The following LRMDA variants were observed in gnomAD, a reference collection of about 807,000 sequenced individuals.
The protein encoded by LRMDA is leucine rich melanocyte differentiation associated, also known as leucine-rich melanocyte differentiation-associated protein.
A neutral mutation model predicts 29.8 loss-of-function variants in LRMDA; 18 were observed. The ratio of observed to expected loss-of-function variants is 0.60; its 90% CI spans 0.42 to 0.90. The LOEUF is 0.90. LRMDA is among the 40% of genes least tolerant of loss of function. The probability of loss-of-function intolerance (pLI) is 0.00; values close to 1 mark genes in which losing one functional copy is unlikely to be tolerated. For synonymous variants in LRMDA, 125 were observed against 109.4 expected, an observed-to-expected ratio of 1.14 and a Z score of -0.89; for missense variants, 273 against 273.9, an observed-to-expected ratio of 1.00 and a Z score of 0.02.
At chr10:76,014,159 T>TAA (rs1314244993) in intron 2 of LRMDA, among the ~76,000 whole-genome samples, 3 of 141,016 alleles carry the variant, frequency 2.1e-5, no homozygotes, top group Admixed American at 7.2e-5. Context: ...TATATATATA[T>TAA]AATTATATAT....
At chr10:75,582,464 G>A (rs934103680) in intron 2 of LRMDA, among the ~76,000 whole-genome samples, 20 of 152,176 alleles carry the variant, frequency 1.3e-4, no homozygotes, top group African/African-American at 4.6e-4. Context: ...GCCCTTTTTA[G>A]CCATGACTGG....
chr10:75,493,351 GTGTGTGTGTGT>G (rs1845009233), intron 2 of LRMDA, among the ~76,000 whole-genome samples: 1 of 141,194 alleles, frequency 7.1e-6, no homozygotes, highest in Admixed American at 7.0e-5. Flanking sequence ...GAGATTGGGT[GTGTGTGTGTGT>G]GTGTGTGTGT....
intron 2 of LRMDA, among the ~76,000 whole-genome samples, chr10:75,877,368 C>G (rs549088154): frequency 6.6e-6 from 1 of 152,198 alleles, no homozygotes; most frequent in African/African-American, 2.4e-5. Context: ...AGCATCTTCC[C>G]GAACTGAAAT....
At chr10:76,319,256 A>G (rs1040122978) in intron 5 of LRMDA, 3 of 152,170 alleles carry the variant, frequency 2.0e-5, no homozygotes, top group Non-Finnish European at 4.4e-5. Context: ...TACCCATCCT[A>G]TTATCATGAA....
chr10:76,465,277 C>G (rs1842553159), intron 6 of LRMDA, among the ~76,000 whole-genome samples: 1 of 152,170 alleles, frequency 6.6e-6, no homozygotes, highest in African/African-American at 2.4e-5. Flanking sequence ...ATAAAAGATT[C>G]ATTAAGGGCT....
At chr10:76,511,626 T>A (rs564791893) in intron 6 of LRMDA, among the ~76,000 whole-genome samples, 56 of 151,518 alleles carry the variant, frequency 3.7e-4, no homozygotes, top group African/African-American at 1.2e-3. Flanking sequence ...AATAATTTCA[T>A]TCACAATAGT....
chr10:76,470,345 A>G (rs551510300), intron 6 of LRMDA: 5 of 152,220 alleles, frequency 3.3e-5, no homozygotes, highest in African/African-American at 1.2e-4. Context: ...TTAAAAAGCA[A>G]TTGTACGTAA....
intron 5 of LRMDA, among the ~76,000 whole-genome samples, chr10:76,255,143 CA>C (rs1237396611): frequency 1.1e-4 from 17 of 152,118 alleles, no homozygotes; most frequent in Non-Finnish European, 1.8e-4. Context: ...AGTGAGTCAC[CA>C]AAAAGGTCAT....
chr10:76,299,401 G>A (rs1364361531), intron 5 of LRMDA, among the ~76,000 whole-genome samples: 1 of 152,078 alleles, frequency 6.6e-6, no homozygotes, highest in Non-Finnish European at 1.5e-5. Flanking sequence ...ATACACCACT[G>A]TCTTCCAGTT....
intron 5 of LRMDA, among the ~76,000 whole-genome samples, chr10:76,129,740 G>A (rs1024921642): frequency 3.9e-5 from 6 of 152,018 alleles, no homozygotes; most frequent in African/African-American, 1.4e-4. Flanking sequence ...CCTTTCCCCA[G>A]CACCCACACT....
At chr10:76,125,951 G>T (rs1366892817) in intron 5 of LRMDA, among the ~76,000 whole-genome samples, 1 of 152,202 alleles carries the variant, frequency 6.6e-6, no homozygotes, top group Non-Finnish European at 1.5e-5. Flanking sequence ...TTAAGGAAAG[G>T]CAGGGGAGTA....
chr10:75,840,629 A>G (rs1045939768), intron 2 of LRMDA, among the ~76,000 whole-genome samples: 1 of 152,194 alleles, frequency 6.6e-6, no homozygotes, highest in African/African-American at 2.4e-5. Context: ...TTTTCAGACC[A>G]AACTGGAGGG....
At chr10:76,076,964 C>T (rs575213962) in intron 5 of LRMDA, among the ~76,000 whole-genome samples, 122 of 152,286 alleles carry the variant, frequency 8.0e-4, no homozygotes, top group Middle Eastern at 3.4e-3. Flanking sequence ...TCTTTGTGCT[C>T]CACGTTACCT....
intron 2 of LRMDA, among the ~76,000 whole-genome samples, chr10:75,877,547 C>T (rs567661336): frequency 2.5e-4 from 38 of 152,264 alleles, no homozygotes; most frequent in Middle Eastern, 3.4e-3. Flanking sequence ...TCATTCTAAA[C>T]GGGCAGTAAA....
At chr10:75,901,102 G>A (rs1481046811) in intron 2 of LRMDA, among the ~76,000 whole-genome samples, 1 of 152,180 alleles carries the variant, frequency 6.6e-6, no homozygotes, top group East Asian at 1.9e-4. Flanking sequence ...AAAGGGAGAT[G>A]CAAGAGGAGG....
chr10:76,467,003 ATTC>A (rs1432962571), intron 6 of LRMDA, among the ~76,000 whole-genome samples: 3 of 152,196 alleles, frequency 2.0e-5, no homozygotes, highest in African/African-American at 7.2e-5. Context: ...CCAACTTCCT[ATTC>A]TTAGCCATTC....
intron 5 of LRMDA, among the ~76,000 whole-genome samples, chr10:76,128,553 T>C (rs1369376206): frequency 6.6e-6 from 1 of 152,192 alleles, no homozygotes; most frequent in East Asian, 1.9e-4. Flanking sequence ...TGAGGCCAGA[T>C]GCCACATCAG....
chr10:76,192,772 A>C (rs953806647), intron 5 of LRMDA, among the ~76,000 whole-genome samples: 3 of 152,190 alleles, frequency 2.0e-5, no homozygotes, highest in African/African-American at 7.2e-5. Flanking sequence ...AACTCTTTGT[A>C]GTCATTCCTG....
chr10:75,488,474 C>T (rs1377785911), intron 2 of LRMDA, among the ~76,000 whole-genome samples: 1 of 152,122 alleles, frequency 6.6e-6, no homozygotes, highest in East Asian at 1.9e-4. Flanking sequence ...CTTTTGATGA[C>T]AAAGCCACTT....
Sources: gnomAD v4.1 joint callset for allele counts (sites outside exome capture counted in the v4.1 genomes callset) on GRCh38, gnomAD v4.1.1 for gene constraint, MANE v1.5 for transcripts, NCBI Gene and HGNC (gene_info 2026-07-23, HGNC 2026-07-21) for gene names.